Variants in AMBRA1 observed in about 807,000 individuals in gnomAD.
AMBRA1 encodes the protein autophagy and beclin 1 regulator 1, also known as activating molecule in BECN1-regulated autophagy protein 1.
A neutral mutation model predicts 125.4 loss-of-function variants in AMBRA1; 47 were observed. The observed-to-expected ratio is 0.37, with a 90% CI of 0.30 to 0.48. AMBRA1 has a LOEUF of 0.48. AMBRA1 is among the 20% of genes least tolerant of loss of function. The pLI, the probability that AMBRA1 is intolerant of heterozygous loss-of-function variation, is 0.99. For missense variants in AMBRA1, 1,331 were observed against 1,693.4 expected (o/e 0.79, Z 3.76); for synonymous variants, 626 against 655.5 (o/e 0.95, Z 0.69).
intron 9 of AMBRA1, among the ~76,000 whole-genome samples, chr11:46,500,157 G>T (rs1480823125): frequency 1.3e-5 from 2 of 152,194 alleles, no homozygotes; most frequent in Non-Finnish European, 1.5e-5. Flanking sequence ...TAGCTGTCAG[G>T]CTGTGGGGCC....
intron 17 of AMBRA1, among the ~76,000 whole-genome samples, chr11:46,406,924 T>G (rs1407460144): frequency 1.3e-5 from 2 of 151,730 alleles, no homozygotes. Context: ...CTCACGCCTT[T>G]AATCCCAGCA....
chr11:46,404,076 T>C (rs1945888581), intron 17 of AMBRA1, among the ~76,000 whole-genome samples: 1 of 152,100 alleles, frequency 6.6e-6, no homozygotes, highest in South Asian at 2.1e-4. Flanking sequence ...CGTGGTGGCG[T>C]GTGCCAGGAG....
At chr11:46,513,112 A>C (rs1469022695) in intron 7 of AMBRA1, among the ~76,000 whole-genome samples, 1 of 152,160 alleles carries the variant, frequency 6.6e-6, no homozygotes, top group East Asian at 1.9e-4. Flanking sequence ...CCAGTAGACA[A>C]ATAGAAGGTT....
Position 46,542,124 on chromosome 11 carries a change from C to A in AMBRA1, c.1893G>T (p.Arg631Ser), listed in dbSNP as rs781597965. 1.2e-6 allele frequency: 2 copies of A among 1,614,078 alleles called. No individual in the cohort carries two copies. Among genetic ancestry groups the A allele is most frequent in the Non-Finnish European group, 8.5e-7 (1 of 1,179,968 alleles). Reference protein sequence around the residue: ...RTEGQTPSSSRLELSSSASPQ... With the variant: ...RTEGQTPSSSSLELSSSASPQ... ...GACTAGCAGAGCTGCTCAACTCCAG[C>A]CTGCTGGAGCTGGGCGTTTGGCCCT... Residue 631 changes from arginine (R) to serine (S), a missense_variant, in exon 7 of 18, where the codon AGG (arginine) becomes AGT (serine). Around this residue, in one of 4 missense-constraint regions of AMBRA1, gnomAD observed 689 missense variants for 776.5 expected, o/e 0.89. Transcript: ENST00000683756. This position sits in a 1 kb window ranked among gnomAD's most constrained non-coding sequence, Gnocchi z 5.9.
intron 7 of AMBRA1, among the ~76,000 whole-genome samples, chr11:46,518,827 C>A (rs1951634290): frequency 6.6e-6 from 1 of 152,112 alleles, no homozygotes; most frequent in Admixed American, 6.5e-5. Flanking sequence ...ACTGTGAAAT[C>A]CTGAACATTT....
intron 1 of AMBRA1, among the ~76,000 whole-genome samples, chr11:46,571,843 C>A (rs1429156185): frequency 6.6e-6 from 1 of 151,710 alleles, no homozygotes; most frequent in East Asian, 2.0e-4. Flanking sequence ...GAGCGCACCA[C>A]CACGCCCAGC....
At chr11:46,521,761 A>G (rs1951769413) in intron 7 of AMBRA1, among the ~76,000 whole-genome samples, 1 of 152,222 alleles carries the variant, frequency 6.6e-6, no homozygotes, top group Non-Finnish European at 1.5e-5. Flanking sequence ...AAAGCATGTG[A>G]TGCAGTTGCC....
chr11:46,547,424 T>A (rs925589736), intron 3 of AMBRA1, 128 bp from the exon 4 acceptor site: 1 of 800,248 alleles, frequency 1.2e-6, no homozygotes, highest in Non-Finnish European at 1.9e-6. Context: ...AAGCTTTGTA[T>A]GTTAGGCAGT....
chr11:46,479,694 C>G (rs1292808604), intron 11 of AMBRA1, among the ~76,000 whole-genome samples: 1 of 152,116 alleles, frequency 6.6e-6, no homozygotes. Context: ...GAGATTCCGT[C>G]ACACACACAA....
intron 17 of AMBRA1, among the ~76,000 whole-genome samples, chr11:46,398,194 G>C (rs1395859691): frequency 6.6e-6 from 1 of 152,250 alleles, no homozygotes; most frequent in Non-Finnish European, 1.5e-5. Context: ...AGGCAGCACT[G>C]GCCCAGAAGG....
chr11:46,510,635 T>C (rs1951221618), intron 8 of AMBRA1, among the ~76,000 whole-genome samples: 1 of 152,222 alleles, frequency 6.6e-6, no homozygotes, highest in Non-Finnish European at 1.5e-5. Context: ...TGCCTTTTTA[T>C]GTAGGGACAT....
At chr11:46,520,696 C>T (rs1302279050) in intron 7 of AMBRA1, among the ~76,000 whole-genome samples, 2 of 150,348 alleles carry the variant, frequency 1.3e-5, no homozygotes, top group African/African-American at 4.9e-5. Flanking sequence ...CCCGGGTTCA[C>T]GCCATTCTCC....
At chr11:46,570,550 T>C (rs2043720834) in intron 1 of AMBRA1, among the ~76,000 whole-genome samples, 1 of 152,094 alleles carries the variant, frequency 6.6e-6, no homozygotes, top group Non-Finnish European at 1.5e-5. Flanking sequence ...ATGCCTTATA[T>C]ACCCCATCTC....
At chr11:46,398,035 C>G (rs1945541538) in intron 17 of AMBRA1, 92 bp from the exon 18 acceptor site, 1 of 1,462,984 alleles carries the variant, frequency 6.8e-7, no homozygotes, top group African/African-American at 1.4e-5. Context: ...CTGGGGGATT[C>G]TTGACTAAAC....
chr11:46,483,985 A>C (rs1168121533), intron 11 of AMBRA1, among the ~76,000 whole-genome samples: 1 of 152,172 alleles, frequency 6.6e-6, no homozygotes, highest in Non-Finnish European at 1.5e-5. Flanking sequence ...GGTAAAAACT[A>C]CTGAAGTAGA....
intron 14 of AMBRA1, among the ~76,000 whole-genome samples, chr11:46,429,663 GTTA>G (rs750208714): frequency 1.3e-5 from 2 of 152,010 alleles, no homozygotes; most frequent in Non-Finnish European, 2.9e-5. Flanking sequence ...TTGTATTTTT[GTTA>G]TTATGCTTTC....
intron 1 of AMBRA1, among the ~76,000 whole-genome samples, chr11:46,560,081 T>G (rs2043280854): frequency 6.6e-6 from 1 of 152,176 alleles, no homozygotes; most frequent in South Asian, 2.1e-4. Flanking sequence ...GATTACATTA[T>G]CTCTAATTAA....
At chr11:46,498,136 T>C (rs577470275) in intron 9 of AMBRA1, among the ~76,000 whole-genome samples, 5 of 152,212 alleles carry the variant, frequency 3.3e-5, no homozygotes, top group Admixed American at 1.3e-4. Flanking sequence ...TGGAAGATAT[T>C]TGCCAGATGA....
At chr11:46,527,250 C>T (rs960024085) in intron 7 of AMBRA1, among the ~76,000 whole-genome samples, 8 of 151,726 alleles carry the variant, frequency 5.3e-5, no homozygotes, top group Non-Finnish European at 8.8e-5. Context: ...GAAGTCAAGG[C>T]GGGAGGATCA....
Sources: allele counts gnomAD v4.1 joint callset (sites outside exome capture counted in the v4.1 genomes callset), GRCh38; gene constraint gnomAD v4.1.1; regional missense constraint gnomAD v4.1.1; non-coding constraint Gnocchi (gnomAD v3.1); transcripts MANE v1.5; gene names NCBI Gene and HGNC (gene_info 2026-07-23, HGNC 2026-07-21).